Variants in CCDC178 observed in about 807,000 individuals in gnomAD.
CCDC178 encodes coiled-coil domain-containing protein 178.
A neutral mutation model predicts 117.4 loss-of-function variants in CCDC178; 126 were observed. The ratio of observed to expected loss-of-function variants is 1.07; its 90% CI spans 0.93 to 1.24. The LOEUF (loss-of-function observed/expected upper bound fraction) is 1.24, where lower values mean the gene tolerates loss of function less well. Among genes scored for constraint, CCDC178 ranks in the 50% most tolerant of loss-of-function variants. The probability of loss-of-function intolerance (pLI) is 0.00; values close to 1 mark genes in which losing one functional copy is unlikely to be tolerated. For synonymous variants in CCDC178, 283 were observed against 313.4 expected, an observed-to-expected ratio of 0.90 and a Z score of 1.02; for missense variants, 1,030 against 986.9, an observed-to-expected ratio of 1.04 and a Z score of -0.59.
At chr18:33,400,619 G>T (rs1342596048) in intron 3 of CCDC178, among the ~76,000 whole-genome samples, 1 of 152,138 alleles carries the variant, frequency 6.6e-6, no homozygotes, top group African/African-American at 2.4e-5. Flanking sequence ...AGCCTTTATA[G>T]AACTGAATAG....
chr18:33,071,173 G>C (rs768765015), intron 21 of CCDC178, among the ~76,000 whole-genome samples: 15 of 152,000 alleles, frequency 9.9e-5, no homozygotes, highest in Non-Finnish European at 1.8e-4. Context: ...TTAGGAGCGA[G>C]TAGTCATTGA....
chr18:33,293,208 AT>A lies in CCDC178; in HGVS notation c.1126del (p.Ile376Ter). On this transcript the variant is annotated frameshift_variant, in exon 12 of 23. Coordinates refer to ENST00000383096, the MANE Select transcript of CCDC178 (RefSeq NM_001105528.4). LOFTEE classifies it high-confidence loss of function. ...ATTTTTTGATGACTTTGTTTCCCTT[AT>A]TGCTTCAGTCACTTCCTCTTCCTTC... ...EEKEEEVTEA[I>X]RETKSSKNEL... The A allele has an allele frequency of 6.3e-7, 1 of 1,597,220 alleles. No individual in the cohort carries two copies. The highest frequency in any genetic ancestry group is 1.1e-5 in the South Asian group (1 of 89,014).
chr18:32,944,103 T>TA (rs2054296590), intron 22 of CCDC178, among the ~76,000 whole-genome samples: 1 of 152,134 alleles, frequency 6.6e-6, no homozygotes, highest in African/African-American at 2.4e-5. Context: ...CTACCCCCAG[T>TA]AAACCAGAGC....
intron 21 of CCDC178, among the ~76,000 whole-genome samples, chr18:32,999,947 A>G (rs1442299129): frequency 6.6e-6 from 1 of 152,172 alleles, no homozygotes; most frequent in African/African-American, 2.4e-5. Context: ...TCTAGGTACC[A>G]AAGAACATCC....
At chr18:33,354,918 C>A (rs2063033691) in intron 7 of CCDC178, among the ~76,000 whole-genome samples, 1 of 152,060 alleles carries the variant, frequency 6.6e-6, no homozygotes, top group Non-Finnish European at 1.5e-5. Flanking sequence ...CCTAGAATTT[C>A]TATTTGGTTA....
At chr18:33,247,095 A>T (rs4994027) in intron 14 of CCDC178, among the ~76,000 whole-genome samples, 658 of 64,324 alleles carry the variant, frequency 0.01, no homozygotes, top group South Asian at 0.025. Flanking sequence ...TGTGTGTGTG[A>T]GAGAGAGAGA....
intron 14 of CCDC178, among the ~76,000 whole-genome samples, chr18:33,255,570 G>A (rs1310919598): frequency 6.6e-6 from 1 of 152,074 alleles, no homozygotes; most frequent in Admixed American, 6.6e-5. Flanking sequence ...AGCCAGGAGA[G>A]AGGGATATAG....
At chr18:33,182,593 C>T (rs967531713) in intron 20 of CCDC178, among the ~76,000 whole-genome samples, 16 of 151,802 alleles carry the variant, frequency 1.1e-4, no homozygotes, top group African/African-American at 3.9e-4. Context: ...CATTTTTCAT[C>T]AAGTGCTAAT....
intron 18 of CCDC178, among the ~76,000 whole-genome samples, chr18:33,216,985 C>A (rs950534127): frequency 3.3e-5 from 5 of 151,994 alleles, no homozygotes; most frequent in Non-Finnish European, 5.9e-5. Flanking sequence ...TTTCATCATT[C>A]ATTTCTTAGT....
intron 11 of CCDC178, among the ~76,000 whole-genome samples, chr18:33,316,472 C>G (rs541054747): frequency 2.6e-5 from 4 of 152,058 alleles, no homozygotes; most frequent in African/African-American, 7.2e-5. Context: ...CCCCTCCCCC[C>G]ACACGCCGTG....
intron 6 of CCDC178, among the ~76,000 whole-genome samples, chr18:33,356,782 T>C (rs1452453815): frequency 6.6e-6 from 1 of 152,064 alleles, no homozygotes; most frequent in Admixed American, 6.6e-5. Flanking sequence ...TTGAAAGAAA[T>C]CAAAGTATTT....
At chr18:33,300,872 G>A (rs757102754) in intron 11 of CCDC178, among the ~76,000 whole-genome samples, 85 of 152,308 alleles carry the variant, frequency 5.6e-4, no homozygotes, top group Non-Finnish European at 8.7e-4. Context: ...TTGCAGCCTG[G>A]CCATGTGGCA....
chr18:33,179,114 A>ATATATATATATATATATATATAAAC (rs1568037089), intron 20 of CCDC178, among the ~76,000 whole-genome samples: 9 of 88,932 alleles, frequency 1.0e-4, no homozygotes, highest in Non-Finnish European at 8.2e-5. Context: ...TATATAAACT[A>ATATATATATATATATATATATAAAC]TATATATATA....
chr18:33,381,740 C>T (rs771363604), intron 5 of CCDC178, among the ~76,000 whole-genome samples: 2 of 152,132 alleles, frequency 1.3e-5, no homozygotes, highest in Non-Finnish European at 2.9e-5. Flanking sequence ...ATCTGTCATC[C>T]ATGGTGTTCA....
At chr18:33,366,327 A>G (rs1286846333) in intron 6 of CCDC178, among the ~76,000 whole-genome samples, 1 of 152,048 alleles carries the variant, frequency 6.6e-6, no homozygotes, top group Non-Finnish European at 1.5e-5. Flanking sequence ...TACACTTGGC[A>G]AATACCCCTT....
At chr18:33,189,910 G>C (rs2144512874) in intron 20 of CCDC178, among the ~76,000 whole-genome samples, 1 of 152,190 alleles carries the variant, frequency 6.6e-6, no homozygotes, top group South Asian at 2.1e-4. Context: ...AATCTTGGGT[G>C]GTCACCATGG....
rs748431985 is a variant in CCDC178 at position 33,245,347 on chromosome 18, G to A, written c.1491C>T (p.Asn497=). 2.5e-6 allele frequency: 4 copies of A among 1,607,424 alleles called. No individual in the cohort carries two copies. Among genetic ancestry groups the A allele is most frequent in the East Asian group, 2.2e-5 (1 of 44,548 alleles). ...MKLKNDKHLK[N]IYKEAYRIGT... ...CAATGCGATAAGCCTCCTTATAGATGTTCTTGAGATGTTTATCATTCTTTA... is the reference window on the plus strand; with the variant it reads ...CAATGCGATAAGCCTCCTTATAGATATTCTTGAGATGTTTATCATTCTTTA... The change falls in exon 15 of 23, where the codon AAC becomes AAT. Residue 497 remains asparagine (N), a synonymous_variant. Coordinates refer to ENST00000383096, the MANE Select transcript of CCDC178 (RefSeq NM_001105528.4).
intron 4 of CCDC178, among the ~76,000 whole-genome samples, chr18:33,390,206 C>T (rs750670893): frequency 4.0e-5 from 6 of 151,372 alleles, no homozygotes; most frequent in Non-Finnish European, 8.9e-5. Flanking sequence ...AGAGGGGAAA[C>T]GTTTTATTTT....
chr18:33,030,336 C>T (rs189689793), intron 21 of CCDC178, among the ~76,000 whole-genome samples: 6 of 151,882 alleles, frequency 4.0e-5, no homozygotes, highest in Non-Finnish European at 7.4e-5. Context: ...TTACTTTTGA[C>T]CTATTTGTAT....
Sources: gnomAD v4.1 joint callset for allele counts (sites outside exome capture counted in the v4.1 genomes callset) on GRCh38, gnomAD v4.1.1 for gene constraint, MANE v1.5 for transcripts, NCBI Gene and HGNC (gene_info 2026-07-23, HGNC 2026-07-21) for gene names.